Variants in B3GALT1 observed in about 807,000 individuals in gnomAD.
B3GALT1 encodes the protein UDP-Gal:betaGlcNAc beta 1,3-galactosyltransferase, polypeptide 1.
B3GALT1 carries 10 observed loss-of-function variants against 23.2 expected under a neutral mutation model. The observed-to-expected ratio is 0.43, with a 90% CI of 0.27 to 0.73. The LOEUF (loss-of-function observed/expected upper bound fraction) is 0.73. Among genes scored for constraint, B3GALT1 ranks in the 30% least tolerant of loss-of-function variants. The pLI is 0.21. For missense variants in B3GALT1, 299 were observed against 405.4 expected, an observed-to-expected ratio of 0.74 and a Z score of 2.25; for synonymous variants, 156 against 141.5, an observed-to-expected ratio of 1.10 and a Z score of -0.73.
chr2:167,430,809 C>A (rs1010785877), intron 1 of B3GALT1, among the ~76,000 whole-genome samples: 12 of 152,132 alleles, frequency 7.9e-5, no homozygotes, highest in African/African-American at 2.9e-4. Flanking sequence ...GTGCTATTTT[C>A]TTCAGAGCAA....
chr2:167,686,320 T>C (rs181820054), intron 3 of B3GALT1, among the ~76,000 whole-genome samples: 1 of 152,334 alleles, frequency 6.6e-6, no homozygotes, highest in Admixed American at 6.5e-5. Context: ...GATTTTATAG[T>C]TCCCACCTAG....
chr2:167,610,747 C>T (rs1331287812), intron 2 of B3GALT1, among the ~76,000 whole-genome samples: 2 of 151,706 alleles, frequency 1.3e-5, no homozygotes, highest in Admixed American at 6.6e-5. Context: ...AACAAGTGTG[C>T]ATGTCTAGTA....
intron 1 of B3GALT1, among the ~76,000 whole-genome samples, chr2:167,456,602 C>G (rs1368125880): frequency 1.3e-5 from 2 of 152,182 alleles, no homozygotes; most frequent in African/African-American, 2.4e-5. Flanking sequence ...TCTGTCAGTC[C>G]TGGCTAGAAA....
chr2:167,547,124 A>T (rs1321841610), intron 2 of B3GALT1, among the ~76,000 whole-genome samples: 10 of 152,158 alleles, frequency 6.6e-5, no homozygotes. Context: ...TCTCAATACC[A>T]CACACAGTTG....
chr2:167,365,164 A>G (rs1697567777), intron 1 of B3GALT1, among the ~76,000 whole-genome samples: 1 of 152,192 alleles, frequency 6.6e-6, no homozygotes, highest in Non-Finnish European at 1.5e-5. Flanking sequence ...CTCAGAATGA[A>G]TTACAGTCAA....
intron 4 of B3GALT1, among the ~76,000 whole-genome samples, chr2:167,831,101 A>G (rs772520142): frequency 7.9e-5 from 12 of 152,262 alleles, no homozygotes; most frequent in South Asian, 4.2e-4. Context: ...GTATTCATCA[A>G]CTCTTTGAAA....
intron 3 of B3GALT1, among the ~76,000 whole-genome samples, chr2:167,807,115 G>A (rs1311539554): frequency 2.6e-5 from 4 of 152,178 alleles, no homozygotes; most frequent in Admixed American, 2.0e-4. Context: ...GGTGTTTATA[G>A]TATTCTCTGA....
chr2:167,765,652 C>T (rs921882809), intron 3 of B3GALT1, among the ~76,000 whole-genome samples: 1 of 152,116 alleles, frequency 6.6e-6, no homozygotes, highest in Admixed American at 6.6e-5. Context: ...AGCATTAATA[C>T]AAGGAGCAAA....
At chr2:167,460,462 A>AT (rs1299561987) in intron 1 of B3GALT1, among the ~76,000 whole-genome samples, 2 of 151,522 alleles carry the variant, frequency 1.3e-5, no homozygotes, top group South Asian at 2.1e-4. Context: ...CTTTTAAAAG[A>AT]TTTTTTTGTC....
At chr2:167,604,809 T>C (rs746235573) in intron 2 of B3GALT1, among the ~76,000 whole-genome samples, 1 of 152,046 alleles carries the variant, frequency 6.6e-6, no homozygotes, top group Non-Finnish European at 1.5e-5. Flanking sequence ...CAAAGATAGA[T>C]GGGAAGAGGA....
At chr2:167,662,743 G>A (rs368305929) in intron 3 of B3GALT1, among the ~76,000 whole-genome samples, 1 of 151,702 alleles carries the variant, frequency 6.6e-6, no homozygotes, top group East Asian at 1.9e-4. Context: ...CACCTCTCTG[G>A]TTTCATCTCG....
intron 3 of B3GALT1, among the ~76,000 whole-genome samples, chr2:167,767,777 T>C (rs182848221): frequency 6.6e-6 from 1 of 152,284 alleles, no homozygotes; most frequent in Admixed American, 6.5e-5. Context: ...TTTATAGTTC[T>C]AACTAGGAAA....
rs565092843 is a variant in B3GALT1 at position 167,740,374 on chromosome 2, A to G, written c.-351-78298A>G. 2.1e-4 allele frequency among the ~76,000 whole-genome samples: 32 copies of G among 152,288 alleles called. No individual in the cohort carries two copies. The East Asian group carries it at 5.4e-3, about 26-fold the overall frequency. ...TATTTCTCTCCAGGAATGTTGGTAC[A>G]TGCTGTTCCTGAACATCAGTGAAAC... On this transcript the variant is annotated intron_variant, in intron 3 of 4. Coordinates refer to ENST00000392690, the MANE Select transcript of B3GALT1 (RefSeq NM_020981.4).
chr2:167,469,797 AATAC>A (rs143105453), intron 1 of B3GALT1, among the ~76,000 whole-genome samples: 1,617 of 152,328 alleles, frequency 0.011, 26 homozygotes, highest in African/African-American at 0.036. Flanking sequence ...TGATTTAATT[AATAC>A]ATACAATCAT....
intron 2 of B3GALT1, among the ~76,000 whole-genome samples, chr2:167,576,417 C>G: frequency 6.6e-6 from 1 of 151,228 alleles, no homozygotes; most frequent in African/African-American, 2.4e-5. Flanking sequence ...AATTGCTGAT[C>G]TCAATTGTAC....
At chr2:167,619,563 A>G (rs1685221560) in intron 2 of B3GALT1, among the ~76,000 whole-genome samples, 2 of 152,096 alleles carry the variant, frequency 1.3e-5, no homozygotes, top group South Asian at 4.1e-4. Context: ...TACATTGTGC[A>G]GAAAGAAAAT....
At chr2:167,465,446 A>G (rs1030841701) in intron 1 of B3GALT1, among the ~76,000 whole-genome samples, 13 of 152,304 alleles carry the variant, frequency 8.5e-5, no homozygotes, top group Non-Finnish European at 1.3e-4. Context: ...CAGCAGATTC[A>G]GTGTCTGGGA....
At chr2:167,575,039 A>G (rs937957054) in intron 2 of B3GALT1, among the ~76,000 whole-genome samples, 1 of 151,692 alleles carries the variant, frequency 6.6e-6, no homozygotes, top group African/African-American at 2.4e-5. Flanking sequence ...CCTCTTCTCT[A>G]TTTACTGGCT....
intron 3 of B3GALT1, among the ~76,000 whole-genome samples, chr2:167,664,440 T>C (rs1399847912): frequency 2.0e-5 from 3 of 152,016 alleles, no homozygotes; most frequent in Admixed American, 2.0e-4. Flanking sequence ...GACTTGGCAA[T>C]GCGGGCTCTT....
Sources: gnomAD v4.1 joint callset for allele counts (sites outside exome capture counted in the v4.1 genomes callset) on GRCh38, gnomAD v4.1.1 for gene constraint, MANE v1.5 for transcripts, NCBI Gene and HGNC (gene_info 2026-07-23, HGNC 2026-07-21) for gene names.